Variants in LCORL observed in about 807,000 individuals in gnomAD.
LCORL encodes ligand-dependent nuclear receptor corepressor-like protein.
Under a neutral mutation model 141.8 loss-of-function variants are expected in LCORL, and 41 were observed. The observed-to-expected ratio is 0.29, with a 90% CI of 0.23 to 0.38. The LOEUF (loss-of-function observed/expected upper bound fraction) is 0.38, where lower values mean the gene tolerates loss of function less well. Ranked by LOEUF, LCORL falls within the 10% of genes least tolerant of loss-of-function variation. LCORL has a pLI of 1.00. For missense variants in LCORL, 1,759 were observed against 2,035.0 expected (o/e 0.86, Z 2.61); for synonymous variants, 618 against 694.1 (o/e 0.89, Z 1.72).
chr4:17,930,040 C>G (rs910711414), intron 4 of LCORL, among the ~76,000 whole-genome samples: 31 of 151,958 alleles, frequency 2.0e-4, no homozygotes, highest in African/African-American at 7.2e-4. Flanking sequence ...AAATGAAAAT[C>G]AAAACAATGA....
At chr4:18,002,818 C>CT (rs1217084253) in intron 1 of LCORL, among the ~76,000 whole-genome samples, 1 of 152,126 alleles carries the variant, frequency 6.6e-6, no homozygotes, top group African/African-American at 2.4e-5. Flanking sequence ...GGAAGGTATT[C>CT]TCTCAGGAAA....
exon 8 of LCORL, chr4:17,842,593 C>T: frequency 2.0e-6 from 1 of 498,372 alleles, no homozygotes. Context: ...CTGGCATGGT[C>T]TTTAGTACTA....
chr4:18,021,759 C>G lies in LCORL; in HGVS notation c.-8G>C, dbSNP rs761384609. ...CTCTCTTCCCTTGTCCATCTGCGTCCCGCGTCACGCGCCCTCATTTACATA... is the reference window on the plus strand; with the variant it reads ...CTCTCTTCCCTTGTCCATCTGCGTCGCGCGTCACGCGCCCTCATTTACATA... On this transcript the variant is annotated 5_prime_UTR_variant, in exon 1 of 8. Transcript: ENST00000635767. This position sits in a 1 kb window ranked among gnomAD's most constrained non-coding sequence, Gnocchi z 5.5. 2 of 1,487,300 alleles carry G rather than the reference C, an allele frequency of 1.3e-6. No homozygotes were observed. The highest frequency in any genetic ancestry group is 1.8e-6 in the Non-Finnish European group (2 of 1,123,868). 92.1% of individuals were successfully genotyped at this position (1,487,300 alleles called of 1,614,324 possible). A position where few individuals can be genotyped will look rare whatever the true frequency, so the allele number is the denominator to read the frequency against.
rs1728046022 is a variant in LCORL, at chr4:17,884,640, CTTTA to C, written c.776+1424_776+1427del. 6.5e-7 allele frequency: 1 copy of C among 1,547,746 alleles called. No individual in the cohort carries two copies. Among genetic ancestry groups the C allele is most frequent in the Non-Finnish European group, 8.7e-7 (1 of 1,145,378 alleles). On this transcript the variant is annotated intron_variant, in intron 6 of 7. Coordinates refer to ENST00000635767, the Ensembl canonical transcript of LCORL. The surrounding 1 kb of genome is among the most constrained non-coding windows in gnomAD (Gnocchi z 4.4). ...TGAGGTATGCCATAAAGTATGCCTG[CTTTA>C]TTTATGTCCAGTGCTCCAGACTGAA... is the stretch of plus-strand genomic sequence containing the variant.
intron 1 of LCORL, among the ~76,000 whole-genome samples, chr4:17,992,790 T>C (rs755549264): frequency 6.6e-5 from 10 of 152,242 alleles, no homozygotes; most frequent in Non-Finnish European, 1.2e-4. Context: ...CATGTGCTGG[T>C]AAATCCAAGC....
At chr4:17,850,419 TCAAA>T (rs1723504866) in intron 7 of LCORL, among the ~76,000 whole-genome samples, 1 of 150,490 alleles carries the variant, frequency 6.6e-6, no homozygotes, top group Admixed American at 6.6e-5. Flanking sequence ...TACAATGAAC[TCAAA>T]CAAATTTACA....
In LCORL at chr4:17,969,272, G is replaced by GC. The variant is rs1577583978; in HGVS notation, c.220+3547_220+3548insG. On this transcript the variant is annotated intron_variant, in intron 2 of 7. Coordinates refer to ENST00000635767, the Ensembl canonical transcript of LCORL. ...TTGGAGACCTCACTCCAAAAAGAGA[G>GC]AATAGTTATGCTTTCTTCATAAGGA... 2.0e-5 allele frequency among the ~76,000 whole-genome samples: 3 copies of GC among 152,156 alleles called. No individual in the cohort carries two copies. In the East Asian group the frequency reaches 5.8e-4, roughly 29 times the overall value.
intron 1 of LCORL, among the ~76,000 whole-genome samples, chr4:17,994,141 G>A (rs1384509948): frequency 3.3e-5 from 5 of 152,000 alleles, no homozygotes; most frequent in African/African-American, 1.2e-4. Flanking sequence ...GGTGGAAGAT[G>A]GGGTCTAATT....
intron 4 of LCORL, among the ~76,000 whole-genome samples, chr4:17,938,132 A>G (rs1276082873): frequency 6.7e-6 from 1 of 150,098 alleles, no homozygotes; most frequent in Non-Finnish European, 1.5e-5. Flanking sequence ...CAGCCTCCCG[A>G]GTAGCTGGGA....
At chr4:17,984,953 T>A (rs914787858) in intron 1 of LCORL, among the ~76,000 whole-genome samples, 10 of 152,298 alleles carry the variant, frequency 6.6e-5, no homozygotes, top group African/African-American at 2.4e-4. Flanking sequence ...TGGTATGTTG[T>A]ATTTTTGTTC....
At chr4:17,960,533 G>C (rs1192067919) in intron 4 of LCORL, among the ~76,000 whole-genome samples, 6 of 152,116 alleles carry the variant, frequency 3.9e-5, no homozygotes, top group African/African-American at 1.4e-4. Flanking sequence ...TTCTCTTAGT[G>C]ATACAAGTCT....
At chr4:17,845,385 A>AAT (rs1474662588) in exon 8 of LCORL, 1 of 174,864 alleles carries the variant, frequency 5.7e-6, no homozygotes, top group African/African-American at 2.4e-5. Flanking sequence ...AAATCTTTAC[A>AAT]ATACTAGCTT....
chr4:17,957,065 A>C (rs1455252675), intron 4 of LCORL, among the ~76,000 whole-genome samples: 4 of 152,002 alleles, frequency 2.6e-5, no homozygotes, highest in African/African-American at 9.7e-5. Context: ...AATAAAGGAA[A>C]ACAGCGTTGG....
chr4:17,853,850 C>T (rs1022484390), intron 7 of LCORL, among the ~76,000 whole-genome samples: 1 of 152,018 alleles, frequency 6.6e-6, no homozygotes, highest in Admixed American at 6.6e-5. Context: ...CTTATCCTTT[C>T]TTCTAACCCT....
chr4:17,926,348 G>A (rs892687831), intron 4 of LCORL, among the ~76,000 whole-genome samples: 5 of 152,220 alleles, frequency 3.3e-5, no homozygotes, highest in Admixed American at 3.3e-4. Flanking sequence ...GCTCGGCTAC[G>A]ATAAAAGCAG....
chr4:18,021,784 A>T lies in LCORL; in HGVS notation c.-33T>A. 1.2e-5 allele frequency: 18 copies of T among 1,468,864 alleles called. No individual in the cohort carries two copies. The highest frequency in any genetic ancestry group is 1.6e-5 in the Non-Finnish European group (18 of 1,117,328). 91.0% of individuals were successfully genotyped at this position (1,468,864 alleles called of 1,614,324 possible). On this transcript the variant is annotated 5_prime_UTR_variant, in exon 1 of 8. Coordinates refer to ENST00000635767, the Ensembl canonical transcript of LCORL. This position sits in a 1 kb window ranked among gnomAD's most constrained non-coding sequence, Gnocchi z 5.5. ...CCGCGTCACGCGCCCTCATTTACAT[A>T]CGAGCAGCGCAGGCACGAGGCAGGG...
intron 6 of LCORL, chr4:17,880,452 A>T: frequency 1.1e-6 from 1 of 929,578 alleles, no homozygotes; most frequent in Non-Finnish European, 1.3e-6. Flanking sequence ...TGATTTATAA[A>T]CCAAACATAC....
chr4:18,018,884 T>C (rs974434825), intron 1 of LCORL, among the ~76,000 whole-genome samples: 1 of 152,170 alleles, frequency 6.6e-6, no homozygotes, highest in Non-Finnish European at 1.5e-5. Flanking sequence ...TATACACATA[T>C]GTGTACGCAT....
At chr4:17,978,157 A>T (rs1238460925) in intron 1 of LCORL, among the ~76,000 whole-genome samples, 1 of 151,922 alleles carries the variant, frequency 6.6e-6, no homozygotes, top group Non-Finnish European at 1.5e-5. Context: ...TACGAATCGT[A>T]TTTTTCTGCT....
Sources: gnomAD v4.1 joint callset for allele counts (sites outside exome capture counted in the v4.1 genomes callset) on GRCh38, gnomAD v4.1.1 for gene constraint, Gnocchi (gnomAD v3.1) non-coding constraint, MANE v1.5 for transcripts, NCBI Gene and HGNC (gene_info 2026-07-23, HGNC 2026-07-21) for gene names.